DNA2: variants seen among roughly 807,000 people sequenced by gnomAD.
DNA2 encodes DNA replication helicase/nuclease 2, also known as DNA replication ATP-dependent helicase/nuclease DNA2.
A neutral mutation model predicts 119.1 loss-of-function variants in DNA2; 101 were observed. That is an observed-to-expected ratio of 0.85 (90% CI 0.72 to 1.00). DNA2 has a LOEUF of 1.00. Ranked by LOEUF, DNA2 falls within the 50% of genes least tolerant of loss-of-function variation. The probability of loss-of-function intolerance (pLI) is 0.00; values close to 1 mark genes in which losing one functional copy is unlikely to be tolerated. For missense variants in DNA2, 1,121 were observed against 1,255.5 expected (o/e 0.89, Z 1.62); for synonymous variants, 366 against 424.4 (o/e 0.86, Z 1.69).
chr10:68,428,261 G>A (rs113430668), intron 14 of DNA2, among the ~76,000 whole-genome samples: 8 of 152,132 alleles, frequency 5.3e-5, no homozygotes, highest in Non-Finnish European at 4.4e-5. Context: ...GGAAGGCGGA[G>A]CTTGCAGTGA....
intron 9 of DNA2, 132 bp from the exon 10 acceptor site, chr10:68,437,373 C>T (rs1329890621): frequency 1.0e-5 from 8 of 766,228 alleles, no homozygotes; most frequent in African/African-American, 1.8e-5. Flanking sequence ...TGGTGGCTCA[C>T]GCCTGTAATC....
intron 13 of DNA2, among the ~76,000 whole-genome samples, chr10:68,431,251 T>C (rs1443524306): frequency 1.3e-5 from 2 of 148,868 alleles, no homozygotes; most frequent in East Asian, 4.0e-4. Flanking sequence ...AGAAATTTAC[T>C]GACATGAAAA....
chr10:68,428,075 C>A (rs1474311044), intron 14 of DNA2, among the ~76,000 whole-genome samples: 2 of 151,002 alleles, frequency 1.3e-5, no homozygotes, highest in Non-Finnish European at 2.9e-5. Context: ...CGCCTGTAAT[C>A]CCAACACTTT....
chr10:68,429,376 C>G (rs1189151380), intron 14 of DNA2, among the ~76,000 whole-genome samples: 1 of 151,814 alleles, frequency 6.6e-6, no homozygotes, highest in African/African-American at 2.4e-5. Flanking sequence ...GAAACCCTGT[C>G]TCTACTAAAA....
At chr10:68,421,612 G>A (rs1377096849) in intron 17 of DNA2, among the ~76,000 whole-genome samples, 5 of 151,864 alleles carry the variant, frequency 3.3e-5, no homozygotes, top group Non-Finnish European at 1.5e-5. Context: ...AATTAGTCTG[G>A]TGTGGTGGTG....
At chr10:68,436,442 C>T (rs369551668) in intron 10 of DNA2, among the ~76,000 whole-genome samples, 58 of 152,016 alleles carry the variant, frequency 3.8e-4, no homozygotes, top group Admixed American at 1.7e-3. Flanking sequence ...GAAGTGACTG[C>T]GTAATAGGAA....
At chr10:68,423,458 G>A (rs566701584) in intron 14 of DNA2, among the ~76,000 whole-genome samples, 6 of 152,278 alleles carry the variant, frequency 3.9e-5, no homozygotes, top group African/African-American at 1.4e-4. Context: ...GCTAAAAACA[G>A]CTGCAACCAA....
chr10:68,461,959 G>T (rs1446155687), intron 4 of DNA2, among the ~76,000 whole-genome samples: 2 of 150,956 alleles, frequency 1.3e-5, no homozygotes, highest in Non-Finnish European at 3.0e-5. Flanking sequence ...AAATAAGGAA[G>T]AAAGAAAGCA....
At chr10:68,415,881 A>G (rs142300840) in intron 20 of DNA2, among the ~76,000 whole-genome samples, 2 of 148,474 alleles carry the variant, frequency 1.3e-5, no homozygotes, top group African/African-American at 5.0e-5. Context: ...CTCAATCTCA[A>G]CCTCGCAATC....
intron 14 of DNA2, among the ~76,000 whole-genome samples, chr10:68,425,699 C>G (rs1367496087): frequency 6.6e-6 from 1 of 151,944 alleles, no homozygotes; most frequent in African/African-American, 2.4e-5. Context: ...CCGCGCCCGG[C>G]CATCTCTGGA....
chr10:68,424,417 T>A, intron 14 of DNA2: 2 of 486,480 alleles, frequency 4.1e-6, no homozygotes, highest in Non-Finnish European at 7.5e-6. Context: ...GGCAGGAGGA[T>A]CACTTGAGCC....
intron 3 of DNA2, among the ~76,000 whole-genome samples, chr10:68,466,375 C>T (rs1442772635): frequency 6.6e-6 from 1 of 151,778 alleles, no homozygotes; most frequent in Non-Finnish European, 1.5e-5. Context: ...ATAATCCACC[C>T]AATAGAAAAG....
chr10:68,448,982 T>TGCGC (rs1159101562), intron 6 of DNA2, among the ~76,000 whole-genome samples: 1 of 144,264 alleles, frequency 6.9e-6, no homozygotes, highest in African/African-American at 2.9e-5. Context: ...TGTGTGTGTG[T>TGCGC]GTGTAGTAGT....
intron 6 of DNA2, among the ~76,000 whole-genome samples, chr10:68,448,966 T>TGTGC (rs1325187503): frequency 2.3e-3 from 297 of 131,196 alleles, no homozygotes; most frequent in African/African-American, 6.9e-3. Context: ...TGTGTGTGTG[T>TGTGC]GCGTGTGTGT....
At chr10:68,440,351 A>G (rs898429064) in intron 9 of DNA2, among the ~76,000 whole-genome samples, 3 of 151,978 alleles carry the variant, frequency 2.0e-5, no homozygotes, top group African/African-American at 7.2e-5. Context: ...AGGCTGGAGT[A>G]TAGTGGCACA....
intron 14 of DNA2, among the ~76,000 whole-genome samples, chr10:68,425,867 T>C (rs191935516): frequency 2.0e-5 from 3 of 150,940 alleles, no homozygotes; most frequent in Admixed American, 6.6e-5. Flanking sequence ...AGGCGCTGTG[T>C]CTCACACCTG....
intron 14 of DNA2, among the ~76,000 whole-genome samples, chr10:68,428,603 T>C (rs554394949): frequency 5.3e-5 from 8 of 152,282 alleles, no homozygotes; most frequent in African/African-American, 1.9e-4. Context: ...TTAAACACAA[T>C]GCAGTACATC....
intron 8 of DNA2, 126 bp from the exon 9 acceptor site, chr10:68,443,237 TG>T: frequency 2.4e-6 from 2 of 834,700 alleles, no homozygotes; most frequent in Non-Finnish European, 3.6e-6. Flanking sequence ...CAGCCCCTAA[TG>T]TTCCTTAAAA....
intron 5 of DNA2, among the ~76,000 whole-genome samples, chr10:68,452,807 C>T (rs1301049742): frequency 7.2e-6 from 1 of 138,778 alleles, no homozygotes; most frequent in Non-Finnish European, 1.5e-5. Flanking sequence ...TGATCTCGAA[C>T]TCCTGGTCTC....
Sources: gnomAD v4.1 joint callset for allele counts (sites outside exome capture counted in the v4.1 genomes callset) on GRCh38, gnomAD v4.1.1 for gene constraint, MANE v1.5 for transcripts, NCBI Gene and HGNC (gene_info 2026-07-23, HGNC 2026-07-21) for gene names.